Variants in CHD1L observed in about 807,000 individuals in gnomAD.
CHD1L encodes ATP-dependent chromatin remodeler CHD1L.
In CHD1L, 118 loss-of-function variants were observed where a neutral mutation model predicts 115.9. The ratio of observed to expected loss-of-function variants is 1.02; its 90% CI spans 0.88 to 1.19. CHD1L has a LOEUF of 1.19. CHD1L is among the 50% of genes most tolerant of loss of function. The pLI is 0.00. For missense variants in CHD1L, 1,179 were observed against 1,065.3 expected (o/e 1.11, Z -1.49); for synonymous variants, 411 against 387.1 (o/e 1.06, Z -0.72).
chr1:147,291,477 C>T lies in CHD1L; in HGVS notation c.2321-5C>T, dbSNP rs1553970394. The T allele has an allele frequency of 1.2e-6, 2 of 1,612,814 alleles. No individual in the cohort carries two copies. ...TTTATGTTGCTCCTTTCTGTTTTAC[C>T]TCAGACCTGAGTTTGGGAGGTGTCC... On this transcript the variant is annotated splice_region_variant and splice_polypyrimidine_tract_variant and intron_variant, in intron 19 of 22. Coordinates refer to ENST00000369258, the MANE Select transcript of CHD1L (RefSeq NM_004284.6).
At position 147,264,572 on chromosome 1, in the gene CHD1L, G is replaced by A. The variant is rs781953345; in HGVS notation, c.727G>A (p.Glu243Lys). 19 of 1,613,032 alleles carry A rather than the reference G, an allele frequency of 1.2e-5. No homozygotes were observed. Among genetic ancestry groups the A allele is most frequent in the Non-Finnish European group, 1.6e-5 (19 of 1,179,646 alleles). Residue 243 changes from glutamate (E) to lysine (K), a missense_variant, in exon 7 of 23, where the codon GAA becomes AAA. By Grantham distance (56) the Glu-to-Lys change is moderately conservative. Transcript: ENST00000369258. The stretch of plus-strand genomic sequence containing the variant: ...TCAACGCTACCAGGATATTGAGAAA[G>A]AATCTGAGTCAGGCAAGTTCCTTTC... ...FIQRYQDIEKESESASELHKL... is the reference protein window; with the variant it reads ...FIQRYQDIEKKSESASELHKL...
At chr1:147,234,304 C>G in the CHD1L span, among the ~76,000 whole-genome samples, 1 of 152,214 alleles carries the variant, frequency 6.6e-6, no homozygotes, top group Admixed American at 6.5e-5. Context: ...TCCTTTGACT[C>G]TACCGGACTT....
At chr1:147,275,110 C>G (rs375878585) in intron 12 of CHD1L, among the ~76,000 whole-genome samples, 1 of 152,176 alleles carries the variant, frequency 6.6e-6, no homozygotes, top group African/African-American at 2.4e-5. Flanking sequence ...GCCACTTGCC[C>G]CTGCTCCGCT....
chr1:147,243,493 C>T (rs782144423), intron 1 of CHD1L, among the ~76,000 whole-genome samples: 1 of 152,152 alleles, frequency 6.6e-6, no homozygotes, highest in African/African-American at 2.4e-5. Flanking sequence ...CTAGCCCTTA[C>T]GGAGAGTCTG....
chr1:147,208,145 T>C, the CHD1L span, among the ~76,000 whole-genome samples: 1 of 141,218 alleles, frequency 7.1e-6, no homozygotes, highest in African/African-American at 2.7e-5. Context: ...CTCAGAAAGG[T>C]GAGTGTTATT....
Position 147,276,252 on chromosome 1 carries a change from C to T in CHD1L, c.1534C>T (p.Leu512Phe), listed in dbSNP as rs587738033. ...GAQKPAADAD[L>F]QLSEILKFGL... is the part of the protein sequence containing the mutation. The stretch of plus-strand genomic sequence containing the variant: ...CCAGAAACCCGCTGCCGATGCTGAC[C>T]TCCAGGTATGATATGATATACTGTT... The change falls in exon 14 of 23, where the codon CTC becomes TTC. Residue 512 changes from leucine (L) to phenylalanine (F), a missense_variant. By Grantham distance (22) the Leu-to-Phe change is conservative. Transcript: ENST00000369258. 3 of 1,614,112 alleles carry T rather than the reference C, an allele frequency of 1.9e-6. No homozygotes were observed. The African/African-American group carries it at 4.0e-5, about 22-fold the overall frequency.
At chr1:147,294,708 C>T (rs115731522) in intron 22 of CHD1L, among the ~76,000 whole-genome samples, 191 bp downstream of exon 22, 2,908 of 152,260 alleles carry the variant, frequency 0.019, 90 homozygotes, top group African/African-American at 0.066. Context: ...CCAACAGGAT[C>T]AACACATCCA....
chr1:147,199,728 G>T, the CHD1L span, among the ~76,000 whole-genome samples: 1 of 152,160 alleles, frequency 6.6e-6, no homozygotes. Context: ...TTGACTACTT[G>T]TATAGTTCTC....
the CHD1L span, among the ~76,000 whole-genome samples, chr1:147,219,497 A>C: frequency 6.6e-6 from 1 of 152,174 alleles, no homozygotes; most frequent in Non-Finnish European, 1.5e-5. Flanking sequence ...TTGATAAAGA[A>C]CATCTACAAA....
intron 6 of CHD1L, 86 bp downstream of exon 6, chr1:147,260,004 CAAA>C: frequency 9.7e-7 from 1 of 1,025,822 alleles, no homozygotes; most frequent in South Asian, 1.5e-5. Context: ...AGATTCACAA[CAAA>C]ATTGAACAGA....
intron 8 of CHD1L, 39 bp from the exon 9 acceptor site, chr1:147,267,387 C>T (rs953249862): frequency 2.0e-6 from 3 of 1,484,402 alleles, no homozygotes; most frequent in Non-Finnish European, 2.8e-6. Flanking sequence ...GTTCAGTAGG[C>T]CATCTCTTTC....
the CHD1L span, chr1:147,175,696 A>G: frequency 6.6e-6 from 1 of 152,144 alleles, no homozygotes; most frequent in African/African-American, 2.4e-5. Flanking sequence ...TTCTTTATAA[A>G]TTACCTAGTC....
chr1:147,264,655 T>C, intron 7 of CHD1L, 71 bp downstream of exon 7: 2 of 1,489,260 alleles, frequency 1.3e-6, no homozygotes, highest in South Asian at 1.3e-5. Context: ...ATAATGGTTA[T>C]AGGTAGAAAA....
chr1:147,192,527 G>C, the CHD1L span, among the ~76,000 whole-genome samples: 1 of 151,714 alleles, frequency 6.6e-6, no homozygotes, highest in Non-Finnish European at 1.5e-5. Context: ...TAATTGCCCT[G>C]GCCAGAATAT....
chr1:147,262,971 A>G (rs1296860287), intron 6 of CHD1L, among the ~76,000 whole-genome samples: 2 of 152,134 alleles, frequency 1.3e-5, no homozygotes, highest in African/African-American at 4.8e-5. Flanking sequence ...GTATATATGC[A>G]TATATATTAT....
chr1:147,191,102 G>A, the CHD1L span, among the ~76,000 whole-genome samples: 1 of 152,052 alleles, frequency 6.6e-6, no homozygotes, highest in Non-Finnish European at 1.5e-5. Flanking sequence ...ATTTGGCTTG[G>A]TTCCAAGACT....
At chr1:147,271,314 G>C (rs17160088) in intron 11 of CHD1L, among the ~76,000 whole-genome samples, 3,475 of 152,252 alleles carry the variant, frequency 0.023, 64 homozygotes, top group Admixed American at 0.041. Flanking sequence ...TCAGTGACTA[G>C]AGCTTTTAGC....
At chr1:147,278,939 T>C (rs918869195) in intron 14 of CHD1L, among the ~76,000 whole-genome samples, 2 of 152,114 alleles carry the variant, frequency 1.3e-5, no homozygotes, top group Non-Finnish European at 2.9e-5. Context: ...CTAAGACACA[T>C]TGCAAGTGAG....
At chr1:147,261,695 A>G (rs1206807600) in intron 6 of CHD1L, among the ~76,000 whole-genome samples, 1 of 152,052 alleles carries the variant, frequency 6.6e-6, no homozygotes, top group Non-Finnish European at 1.5e-5. Context: ...CTGGCCCCAG[A>G]GCCTTTTCTT....
Sources: gnomAD v4.1 joint callset for allele counts (sites outside exome capture counted in the v4.1 genomes callset) on GRCh38, gnomAD v4.1.1 for gene constraint, MANE v1.5 for transcripts, NCBI Gene and HGNC (gene_info 2026-07-23, HGNC 2026-07-21) for gene names.